PRKAR2A: variants seen among roughly 807,000 people sequenced by gnomAD.
The protein encoded by PRKAR2A is protein kinase cAMP-dependent type II regulatory subunit alpha.
PRKAR2A carries 29 observed loss-of-function variants against 51.9 expected under a neutral mutation model. That is an observed-to-expected ratio of 0.56 (90% confidence interval 0.42 to 0.76). The LOEUF is 0.76. Among genes scored for constraint, PRKAR2A ranks in the 30% least tolerant of loss-of-function variants. PRKAR2A has a pLI of 0.00. For missense variants in PRKAR2A, 445 were observed against 512.1 expected (o/e 0.87, Z 1.26); for synonymous variants, 178 against 186.2 (o/e 0.96, Z 0.36).
chr3:48,818,963 T>C (rs1332062267), intron 1 of PRKAR2A, among the ~76,000 whole-genome samples: 2 of 152,172 alleles, frequency 1.3e-5, no homozygotes, highest in African/African-American at 4.8e-5. Context: ...GTTTCACATT[T>C]TTTTTCACAG....
intron 9 of PRKAR2A, among the ~76,000 whole-genome samples, chr3:48,754,598 C>A (rs1235791468): frequency 6.6e-6 from 1 of 151,890 alleles, no homozygotes; most frequent in African/African-American, 2.4e-5. Context: ...CATGGGGAAA[C>A]CCTGTCCCTA....
chr3:48,748,536 G>A lies in PRKAR2A; in HGVS notation c.*3049C>T, dbSNP rs1178944712. 6.6e-6 allele frequency: 1 copy of A among 152,286 alleles called. No individual in the cohort carries two copies. The highest frequency in any genetic ancestry group is 2.4e-5 in the African/African-American group (1 of 41,434). 9.4% of individuals were successfully genotyped at this position (152,286 alleles called of 1,614,324 possible). On this transcript the variant is annotated 3_prime_UTR_variant, in exon 11 of 11. Coordinates refer to ENST00000265563, the MANE Select transcript of PRKAR2A (RefSeq NM_004157.4). ...TCTGTGAAGGCAAAGACTAGACTGG[G>A]ATGTGTGCGAGAGTGGGATAAGAAG... is the stretch of plus-strand genomic sequence containing the variant.
intron 1 of PRKAR2A, among the ~76,000 whole-genome samples, chr3:48,838,013 C>A (rs1360395422): frequency 6.6e-6 from 1 of 151,780 alleles, no homozygotes; most frequent in Admixed American, 6.6e-5. Flanking sequence ...CCCATCTCCA[C>A]TAAAAATACA....
intron 1 of PRKAR2A, among the ~76,000 whole-genome samples, chr3:48,841,853 G>A (rs989804697): frequency 3.0e-4 from 46 of 151,930 alleles, no homozygotes; most frequent in Admixed American, 9.2e-4. Context: ...ATTATGTAGC[G>A]CAGCCACCTG....
At chr3:48,817,646 TTAAAATAAATAAATAAA>T (rs1268077148) in intron 1 of PRKAR2A, among the ~76,000 whole-genome samples, 1 of 149,112 alleles carries the variant, frequency 6.7e-6, no homozygotes, top group African/African-American at 2.4e-5. Flanking sequence ...AAACTCCATC[TTAAAATAAATAAATAAA>T]TAAAATAAAT....
At position 48,791,285 on chromosome 3, in the gene PRKAR2A, T is replaced by TAA. The variant is rs35380085; in HGVS notation, c.352-660_352-659dup. 1.1e-3 allele frequency among the ~76,000 whole-genome samples: 46 copies of TAA among 43,770 alleles called. 1 individual carries two copies. Among genetic ancestry groups the TAA allele is most frequent in the Non-Finnish European group, 1.2e-3 (27 of 23,466 alleles). 28.7% of individuals were successfully genotyped at this position (43,770 alleles called of 152,430 possible). ...CTAGCGACAGAGAGAGATTCCATCTTAAAAAAAAAAAAAAAAAAAAAAAAA... is the reference window on the plus strand; with the variant it reads ...CTAGCGACAGAGAGAGATTCCATCTTAAAAAAAAAAAAAAAAAAAAAAAAAAA... On this transcript the variant is annotated intron_variant, in intron 3 of 10. Coordinates refer to ENST00000265563, the MANE Select transcript of PRKAR2A (RefSeq NM_004157.4).
chr3:48,832,667 G>C (rs1180719305), intron 1 of PRKAR2A, among the ~76,000 whole-genome samples: 1 of 151,868 alleles, frequency 6.6e-6, no homozygotes, highest in Admixed American at 6.6e-5. Flanking sequence ...ATTACAAAAC[G>C]ATTTTTTTTT....
intron 5 of PRKAR2A, among the ~76,000 whole-genome samples, chr3:48,781,842 C>T (rs1342578537): frequency 6.6e-6 from 1 of 151,962 alleles, no homozygotes; most frequent in Non-Finnish European, 1.5e-5. Context: ...GAGGGAGTTT[C>T]ACCACGTTGG....
intron 6 of PRKAR2A, among the ~76,000 whole-genome samples, chr3:48,767,838 C>T (rs2081963892): frequency 6.6e-6 from 1 of 151,698 alleles, no homozygotes; most frequent in Non-Finnish European, 1.5e-5. Context: ...ACAGGAGAAT[C>T]GCTTGAACCT....
intron 1 of PRKAR2A, among the ~76,000 whole-genome samples, chr3:48,837,198 C>T (rs2083300703): frequency 6.6e-6 from 1 of 151,944 alleles, no homozygotes; most frequent in Non-Finnish European, 1.5e-5. Context: ...GGCGCATGAG[C>T]CCAGGAGCCC....
At position 48,829,563 on chromosome 3, in the gene PRKAR2A, T is replaced by C. The variant is rs1011801528; in HGVS notation, c.262+17772A>G. On this transcript the variant is annotated intron_variant, in intron 1 of 10. Coordinates refer to ENST00000265563, the MANE Select transcript of PRKAR2A (RefSeq NM_004157.4). ...AGAAAAAAATATATATGTGTATATA[T>C]ACACACATAAATATATATGTGTGTA... Among the ~76,000 whole-genome samples the C allele has an allele frequency of 1.5e-4, 15 of 97,128 alleles. 1 individual carries two copies. In the East Asian group the frequency reaches 6.2e-3, roughly 40 times the overall value. 63.7% of individuals were successfully genotyped at this position (97,128 alleles called of 152,430 possible).
At chr3:48,791,903 C>CAAAAAAAA (rs1177374619) in intron 3 of PRKAR2A, among the ~76,000 whole-genome samples, 2 of 41,880 alleles carry the variant, frequency 4.8e-5, no homozygotes, top group Admixed American at 4.0e-4. Context: ...AACTCTGTCT[C>CAAAAAAAA]AAAAAAAAAA....
chr3:48,801,721 G>A (rs1051428362), intron 2 of PRKAR2A, among the ~76,000 whole-genome samples: 1 of 150,694 alleles, frequency 6.6e-6, no homozygotes, highest in Admixed American at 6.6e-5. Context: ...CCTCAGCCAC[G>A]CCCAGCTAAT....
intron 3 of PRKAR2A, among the ~76,000 whole-genome samples, chr3:48,792,915 C>T (rs1014998818): frequency 6.6e-6 from 1 of 151,494 alleles, no homozygotes; most frequent in African/African-American, 2.4e-5. Flanking sequence ...GGCGACAGTG[C>T]GAGACTCTGT....
intron 1 of PRKAR2A, among the ~76,000 whole-genome samples, chr3:48,817,840 C>T (rs1056121606): frequency 1.3e-5 from 2 of 151,506 alleles, no homozygotes; most frequent in African/African-American, 2.4e-5. Flanking sequence ...GAGCTGTGAG[C>T]CCCAAATAAG....
intron 4 of PRKAR2A, among the ~76,000 whole-genome samples, chr3:48,788,845 C>A (rs2082336588): frequency 6.6e-6 from 1 of 152,006 alleles, no homozygotes; most frequent in African/African-American, 2.4e-5. Flanking sequence ...TATAAACCAC[C>A]CAGGTTACAG....
intron 1 of PRKAR2A, among the ~76,000 whole-genome samples, chr3:48,827,131 A>AG (rs936618755): frequency 1.3e-5 from 2 of 152,170 alleles, no homozygotes; most frequent in African/African-American, 4.8e-5. Flanking sequence ...CTACAAAAAA[A>AG]GCCCTGGAGT....
At chr3:48,793,160 C>T (rs57078550) in intron 3 of PRKAR2A, among the ~76,000 whole-genome samples, 32,453 of 151,676 alleles carry the variant, frequency 0.21, 4,997 homozygotes, top group East Asian at 0.77. Context: ...ATAAAATACA[C>T]CTCACACAAA....
At chr3:48,795,794 C>A (rs941541918) in intron 2 of PRKAR2A, among the ~76,000 whole-genome samples, 2 of 152,176 alleles carry the variant, frequency 1.3e-5, no homozygotes, top group African/African-American at 2.4e-5. Context: ...CTTGGCCTCC[C>A]AAAGTGCTGG....
Sources: gnomAD v4.1 joint callset for allele counts (sites outside exome capture counted in the v4.1 genomes callset) on GRCh38, gnomAD v4.1.1 for gene constraint, MANE v1.5 for transcripts, NCBI Gene and HGNC (gene_info 2026-07-23, HGNC 2026-07-21) for gene names.